CFI: variants seen among roughly 807,000 people sequenced by gnomAD.
CFI encodes the protein C3B/C4B inactivator.
CFI carries 66 observed loss-of-function variants against 78.8 expected under a neutral mutation model. The observed-to-expected ratio is 0.84, with a 90% CI of 0.69 to 1.03. The LOEUF is 1.03. CFI is among the 50% of genes least tolerant of loss of function. The probability of loss-of-function intolerance (pLI) is 0.00; values close to 1 mark genes in which losing one functional copy is unlikely to be tolerated. For synonymous variants in CFI, 250 were observed against 232.6 expected, an observed-to-expected ratio of 1.07 and a Z score of -0.68; for missense variants, 706 against 704.5, an observed-to-expected ratio of 1.00 and a Z score of -0.02.
Position 109,791,082 on chromosome 4 carries a change from C to T in CFI, c.57+10833G>A, listed in dbSNP as rs561142441. On this transcript the variant is annotated intron_variant, in intron 1 of 12. Transcript: ENST00000394634. ...TACCACTAAATGTGTATAAGCATTC[C>T]TTTTTCTCCACAACCTCGACAGCAT... Among the ~76,000 whole-genome samples, 10 of 152,242 alleles carry T rather than the reference C, an allele frequency of 6.6e-5. No individual in the cohort carries two copies. In the South Asian group the frequency reaches 2.1e-3, roughly 32 times the overall value.
intron 6 of CFI, 167 bp from the exon 7 acceptor site, chr4:109,757,950 T>A: frequency 1.4e-6 from 2 of 1,465,202 alleles, no homozygotes; most frequent in Non-Finnish European, 1.8e-6. Context: ...AATTGTAGGA[T>A]GTCTAGCTGC....
At position 109,754,434 on chromosome 4, in the gene CFI, CT is replaced by C. The variant is rs60975227; in HGVS notation, c.905-1932del. ...AGTTAAAAAAAAAAAAAAGAATCTT[CT>C]TTTTTTTTTTTAGATTTTTTTCTTG... On this transcript the variant is annotated intron_variant, in intron 7 of 12. Coordinates refer to ENST00000394634, the MANE Select transcript of CFI (RefSeq NM_000204.5). Among the ~76,000 whole-genome samples the C allele has an allele frequency of 1.4e-3, 182 of 134,648 alleles. 1 individual carries two copies. In the East Asian group the frequency reaches 0.024, roughly 18 times the overall value. The allele number at this position is 134,648 out of a possible 152,430, so 88.3% of individuals were successfully genotyped here. A position where few individuals can be genotyped will look rare whatever the true frequency, so the allele number is the denominator to read the frequency against.
chr4:109,756,883 AGAAAG>A (rs1726231852), intron 7 of CFI, among the ~76,000 whole-genome samples: 10 of 138,940 alleles, frequency 7.2e-5, no homozygotes. Context: ...AAAGAAAGAA[AGAAAG>A]GAAAGAAAGA....
chr4:109,783,405 C>T (rs1005658172), intron 1 of CFI, among the ~76,000 whole-genome samples: 1 of 151,882 alleles, frequency 6.6e-6, no homozygotes, highest in African/African-American at 2.4e-5. Context: ...TACAAATGGC[C>T]AACAAACATA....
intron 10 of CFI, among the ~76,000 whole-genome samples, chr4:109,747,772 C>T (rs1724658982): frequency 6.6e-6 from 1 of 152,124 alleles, no homozygotes; most frequent in African/African-American, 2.4e-5. Context: ...ACAATTTTTC[C>T]ATGGAACTGT....
At chr4:109,759,144 A>T (rs1398361398) in intron 6 of CFI, among the ~76,000 whole-genome samples, 3 of 151,888 alleles carry the variant, frequency 2.0e-5, no homozygotes, top group Admixed American at 1.3e-4. Context: ...CCTTGCTCTT[A>T]AAAAAAAGTG....
At chr4:109,766,911 G>C in intron 1 of CFI, 87 bp from the exon 2 acceptor site, 1 of 1,323,312 alleles carries the variant, frequency 7.6e-7, no homozygotes, top group Non-Finnish European at 1.1e-6. Flanking sequence ...GAGCAAAACA[G>C]ATACAGCCCA....
intron 2 of CFI, among the ~76,000 whole-genome samples, chr4:109,765,418 C>T (rs998034216): frequency 2.0e-5 from 3 of 152,208 alleles, no homozygotes; most frequent in Non-Finnish European, 2.9e-5. Flanking sequence ...CAAGCACTTT[C>T]TGCATGCCAA....
chr4:109,783,812 G>GATATATATATATATAT lies in CFI; in HGVS notation c.58-17004_58-16989dup, dbSNP rs34128338. On this transcript the variant is annotated intron_variant, in intron 1 of 12. Coordinates refer to ENST00000394634, the MANE Select transcript of CFI (RefSeq NM_000204.5). ...TTCAATGAGTGGATAAAGAAACTGT[G>GATATATATATATATAT]ATATATATATATATATATATATGAT... is the stretch of plus-strand genomic sequence containing the variant. 2.2e-3 allele frequency among the ~76,000 whole-genome samples: 251 copies of GATATATATATATATAT among 112,988 alleles called. 23 individuals carry two copies. The highest frequency in any genetic ancestry group is 4.7e-3 in the Middle Eastern group (1 of 212). 74.1% of individuals were successfully genotyped at this position (112,988 alleles called of 152,430 possible). A position where few individuals can be genotyped will look rare whatever the true frequency, so the allele number is the denominator to read the frequency against.
At chr4:109,754,412 T>TAAAA (rs56367098) in intron 7 of CFI, among the ~76,000 whole-genome samples, 1 of 132,006 alleles carries the variant, frequency 7.6e-6, no homozygotes, top group East Asian at 2.2e-4. Flanking sequence ...ATGCAGAAGT[T>TAAAA]AAAAAAAAAA....
chr4:109,735,489 C>A, the CFI span, among the ~76,000 whole-genome samples: 2 of 152,088 alleles, frequency 1.3e-5, no homozygotes, highest in African/African-American at 4.8e-5. Flanking sequence ...TTTTAAATAA[C>A]AAAAATCAAT....
rs4382036 is a variant in CFI, at chr4:109,801,861, T to C, written c.57+54A>G. On this transcript the variant is annotated intron_variant, in intron 1 of 12. Transcript: ENST00000394634. ...TATTTAAGATTATTTTCTATGTTTT[T>C]ACAACCTTTAAATTATCAATTAAAA... The C allele has an allele frequency of 9.7e-3, 11,849 of 1,218,092 alleles. 359 individuals carry two copies. In the African/African-American group the frequency reaches 0.097, roughly 10 times the overall value. 75.5% of individuals were successfully genotyped at this position (1,218,092 alleles called of 1,614,324 possible).
intron 8 of CFI, among the ~76,000 whole-genome samples, chr4:109,751,731 G>A (rs1232464778): frequency 6.6e-6 from 1 of 152,160 alleles, no homozygotes; most frequent in Non-Finnish European, 1.5e-5. Context: ...CTGAGCCACT[G>A]TGCCCAGCCT....
chr4:109,791,846 A>C (rs1420616208), intron 1 of CFI, among the ~76,000 whole-genome samples: 1 of 152,124 alleles, frequency 6.6e-6, no homozygotes, highest in Admixed American at 6.5e-5. Context: ...GCTGCATATC[A>C]TATGTTTTGG....
intron 6 of CFI, among the ~76,000 whole-genome samples, chr4:109,759,001 G>A (rs998041217): frequency 6.6e-5 from 10 of 152,332 alleles, no homozygotes; most frequent in East Asian, 1.9e-4. Flanking sequence ...GCTGAGGTGG[G>A]AGAATCCCTT....
rs774783110 is a variant in CFI, at chr4:109,766,689, A to G, written c.193T>C (p.Tyr65His). The stretch of plus-strand genomic sequence containing the variant: ...GCAGTGCCATTCTTTGGGCACTGAT[A>G]CGGTAGTTTACAAACACAGGTGCCC... The part of the protein sequence containing the change: ...IEGTCVCKLP[Y>H]QCPKNGTAVC... Residue 65 changes from tyrosine to histidine, a missense_variant, in exon 2 of 13, where the codon TAT becomes CAT. Coordinates refer to ENST00000394634, the MANE Select transcript of CFI (RefSeq NM_000204.5). 3.0e-5 allele frequency: 48 copies of G among 1,614,104 alleles called. No homozygotes were observed. The South Asian group carries it at 4.6e-4, about 16-fold the overall frequency.
chr4:109,779,674 A>G (rs1319549660), intron 1 of CFI, among the ~76,000 whole-genome samples: 1 of 152,202 alleles, frequency 6.6e-6, no homozygotes, highest in Non-Finnish European at 1.5e-5. Flanking sequence ...CCACATTGCC[A>G]AGACAATCCT....
chr4:109,755,446 T>C (rs550315247), intron 7 of CFI, among the ~76,000 whole-genome samples: 9 of 152,270 alleles, frequency 5.9e-5, no homozygotes, highest in Admixed American at 3.3e-4. Context: ...GTTGGAAACT[T>C]AATCCCCAAC....
chr4:109,765,714 C>T (rs1727649020), intron 2 of CFI, among the ~76,000 whole-genome samples: 1 of 152,092 alleles, frequency 6.6e-6, no homozygotes, highest in Non-Finnish European at 1.5e-5. Context: ...TCTGGGTTTG[C>T]TAGGTTGGAG....
Sources: gnomAD v4.1 joint callset for allele counts (sites outside exome capture counted in the v4.1 genomes callset) on GRCh38, gnomAD v4.1.1 for gene constraint, MANE v1.5 for transcripts, NCBI Gene and HGNC (gene_info 2026-07-23, HGNC 2026-07-21) for gene names.